FLAD1: variants seen among roughly 807,000 people sequenced by gnomAD.
The protein encoded by FLAD1 is bifunctional FAD diphosphatase/FAD synthase.
Under a neutral mutation model 55.0 loss-of-function variants are expected in FLAD1, and 35 were observed. The observed-to-expected ratio is 0.64, with a 90% CI of 0.49 to 0.84. The LOEUF is 0.84. Ranked by LOEUF, FLAD1 falls within the 40% of genes least tolerant of loss-of-function variation. FLAD1 has a pLI of 0.00. For missense variants in FLAD1, 665 were observed against 742.6 expected (o/e 0.90, Z 1.21); for synonymous variants, 267 against 303.0 (o/e 0.88, Z 1.23).
intron 5 of FLAD1, chr1:154,990,840 A>C (rs1319179820): frequency 4.6e-6 from 1 of 217,830 alleles, no homozygotes; most frequent in East Asian, 9.8e-5. Flanking sequence ...ATGACTAAAA[A>C]CCACTGAATT....
In FLAD1 at chr1:154,988,238, G is replaced by A. The variant is rs768977246; in HGVS notation, c.506G>A (p.Arg169His). 9.9e-6 allele frequency: 16 copies of A among 1,614,056 alleles called. No homozygotes were observed. The highest frequency in any genetic ancestry group is 4.5e-5 in the East Asian group (2 of 44,894). Residue 169 changes from arginine to histidine, a missense_variant, in exon 2 of 7, where the codon CGC becomes CAC. Transcript: ENST00000292180. ...IAAEVTSFSN[R>H]FTHVLTAGGI... Reference sequence around the variant, plus strand: ...GCTGAGGTCACTTCTTTCTCCAACCGCTTCACCCATGTCCTCACAGCAGGG... The same window carrying A: ...GCTGAGGTCACTTCTTTCTCCAACCACTTCACCCATGTCCTCACAGCAGGG...
chr1:154,991,477 C>T (rs1053292219), intron 5 of FLAD1, among the ~76,000 whole-genome samples: 3 of 151,490 alleles, frequency 2.0e-5, no homozygotes, highest in Admixed American at 1.3e-4. Context: ...ATCACTTGAA[C>T]CCAGGAGGCA....
rs1483758115 is a variant in FLAD1 at position 154,990,321 on chromosome 1, C to T, written c.1365-18C>T. On this transcript the variant is annotated intron_variant, in intron 4 of 6. Transcript: ENST00000292180. ...TGACAGAGCCCACGCCCGACCCCTA[C>T]TTCTGTTTCTTCCTAAGGTATAATC... 6.2e-7 allele frequency: 1 copy of T among 1,613,512 alleles called. No homozygotes were observed. Among genetic ancestry groups the T allele is most frequent in the South Asian group, 1.1e-5 (1 of 91,074 alleles).
intron 1 of FLAD1, among the ~76,000 whole-genome samples, chr1:154,986,890 A>G (rs1051131665): frequency 1.3e-5 from 2 of 151,052 alleles, no homozygotes; most frequent in African/African-American, 2.4e-5. Context: ...GAGCCACCAC[A>G]CCTGGTCGGC....
At position 154,983,844 on chromosome 1, in the gene FLAD1, T is replaced by C; in HGVS notation, c.150T>C (p.Val50=). The change falls in exon 1 of 7, where the codon GTT becomes GTC. Residue 50 remains valine (V), a synonymous_variant. Coordinates refer to ENST00000292180, the MANE Select transcript of FLAD1 (RefSeq NM_025207.5). ...LPHCLFWLLQ[V]PSTQDPLFPG... ...ATTGTCTTTTCTGGCTTCTCCAGGT[T>C]CCCTCGACCCAGGACCCCCTGTTCC... 1.2e-6 allele frequency: 2 copies of C among 1,614,138 alleles called. No individual in the cohort carries two copies. Among genetic ancestry groups the C allele is most frequent in the Non-Finnish European group, 1.7e-6 (2 of 1,180,026 alleles).
At chr1:154,992,576 C>G in intron 5 of FLAD1, 137 bp from the exon 6 acceptor site, 1 of 1,613,832 alleles carries the variant, frequency 6.2e-7, no homozygotes, top group Non-Finnish European at 8.5e-7. Context: ...GCAAGCTATA[C>G]CAGAGAATCA....
chr1:154,991,309 C>G (rs1372785599), intron 5 of FLAD1: 1 of 150,368 alleles, frequency 6.7e-6, no homozygotes, highest in South Asian at 2.1e-4. Context: ...AATCCCTGCA[C>G]TTTGGGAGGC....
Position 154,988,090 on chromosome 1 carries a change from C to T in FLAD1, c.373-15C>T. The T allele has an allele frequency of 1.2e-6, 2 of 1,614,176 alleles. No homozygotes were observed. Among genetic ancestry groups the T allele is most frequent in the Non-Finnish European group, 8.5e-7 (1 of 1,180,028 alleles). ...CTACAGTACTGATGGCCTCATCTTC[C>T]CCTTCAACCCCCAGGGACACACTCA... On this transcript the variant is annotated splice_polypyrimidine_tract_variant and intron_variant, in intron 1 of 6. Coordinates refer to ENST00000292180, the MANE Select transcript of FLAD1 (RefSeq NM_025207.5).
In FLAD1 at chr1:154,990,502, G is replaced by A. The variant is rs746974797; in HGVS notation, c.1528G>A (p.Ala510Thr). 20 of 1,607,710 alleles carry A rather than the reference G, an allele frequency of 1.2e-5. No homozygotes were observed. Among genetic ancestry groups the A allele is most frequent in the South Asian group, 1.0e-4 (9 of 90,440 alleles). ...CAGCCCCACTGACCCAGGCTGGCCC[G>A]CATTCATGCGCATCAACCCACTGCT... is the stretch of plus-strand genomic sequence containing the variant. ...PFSPTDPGWP[A>T]FMRINPLLDW... The change falls in exon 5 of 7, where the codon GCA (alanine) becomes ACA (threonine). Residue 510 changes from alanine to threonine, a missense_variant. Transcript: ENST00000292180.
At chr1:154,988,917 C>G (rs1558075566) in intron 2 of FLAD1, 68 bp downstream of exon 2, 1 of 1,598,474 alleles carries the variant, frequency 6.3e-7, no homozygotes, top group East Asian at 2.3e-5. Flanking sequence ...CTCAGTAATG[C>G]AGGGGCTGTT....
intron 1 of FLAD1, 115 bp from the exon 2 acceptor site, chr1:154,987,990 T>C (rs776464003): frequency 1.5e-5 from 23 of 1,577,034 alleles, no homozygotes; most frequent in Non-Finnish European, 1.7e-5. Flanking sequence ...CAGCCTGAGG[T>C]GGTGTCCTTC....
At chr1:154,986,025 G>GTGTA (rs1308701068) in intron 1 of FLAD1, among the ~76,000 whole-genome samples, 2 of 147,380 alleles carry the variant, frequency 1.4e-5, no homozygotes, top group Non-Finnish European at 3.0e-5. Flanking sequence ...CCGGCTGTGT[G>GTGTA]TGTGTGTGTG....
intron 5 of FLAD1, among the ~76,000 whole-genome samples, chr1:154,992,124 C>T (rs1200452801): frequency 2.6e-5 from 3 of 114,256 alleles, no homozygotes; most frequent in Admixed American, 1.1e-4. Flanking sequence ...GCCTGGGTGA[C>T]AGAGCAAGAC....
In FLAD1 at chr1:154,988,213, G is replaced by A. The variant is rs368257835; in HGVS notation, c.481G>A (p.Ala161Thr). Residue 161 changes from alanine to threonine, a missense_variant, in exon 2 of 7, where the codon GCT becomes ACT. Physicochemically the swap from Ala to Thr is moderately conservative, Grantham distance 58. Transcript: ENST00000292180. Reference protein sequence around the residue: ...VVPDEVATIAAEVTSFSNRFT... With the variant: ...VVPDEVATIATEVTSFSNRFT... ...ACCTGATGAGGTAGCCACCATTGCA[G>A]CTGAGGTCACTTCTTTCTCCAACCG... 5.0e-6 allele frequency: 8 copies of A among 1,614,104 alleles called. No homozygotes were observed. Among genetic ancestry groups the A allele is most frequent in the African/African-American group, 1.3e-5 (1 of 74,932 alleles).
In FLAD1 at chr1:154,987,973, C is replaced by A. The variant is rs192454315; in HGVS notation, c.373-132C>A. ...TCCCACTCTTGTGTCCAGTCCAGGC[C>A]CCTCAGCAGCCTGAGGTGGTGTCCT... is the stretch of plus-strand genomic sequence containing the variant. On this transcript the variant is annotated intron_variant, in intron 1 of 6. Coordinates refer to ENST00000292180, the MANE Select transcript of FLAD1 (RefSeq NM_025207.5). The A allele has an allele frequency of 2.3e-5, 36 of 1,558,710 alleles. No homozygotes were observed. The South Asian group carries it at 4.3e-4, about 19-fold the overall frequency.
chr1:154,989,561 GTCT>G lies in FLAD1; in HGVS notation c.1124_1126del (p.Ser375del), dbSNP rs1657772731. 4 of 1,570,390 alleles carry G rather than the reference GTCT, an allele frequency of 2.5e-6. No homozygotes were observed. Among genetic ancestry groups the G allele is most frequent in the African/African-American group, 1.4e-5 (1 of 73,242 alleles). On this transcript the variant is annotated inframe_deletion and splice_region_variant, in exon 3 of 7. Transcript: ENST00000292180. ...CCCTCTTCCCTGCCTGCTTGGCAGG[GTCT>G]TCTTTGGGGAAAAAGGTGGCAGGTG...
chr1:154,993,020 C>A lies in FLAD1; in HGVS notation c.1747C>A (p.Arg583=). The change falls in exon 7 of 7, where the codon CGG becomes AGG. Residue 583 remains arginine (R), a synonymous_variant. Transcript: ENST00000292180. ...TCTACTGGAGAACGAAGAAGAGGAGCGGAACTCCCGCACATGACCTCCCAC... is the reference window on the plus strand; with the variant it reads ...TCTACTGGAGAACGAAGAAGAGGAGAGGAACTCCCGCACATGACCTCCCAC... ...AYLLENEEEE[R]NSRT The A allele has an allele frequency of 6.2e-7, 1 of 1,614,014 alleles. No homozygotes were observed.
chr1:154,987,800 TG>T, intron 1 of FLAD1: 1 of 583,298 alleles, frequency 1.7e-6, no homozygotes, highest in Non-Finnish European at 2.9e-6. Context: ...GAGCTGAATG[TG>T]GTGGCACGCG....
chr1:154,992,528 G>C (rs1366704961), intron 5 of FLAD1, 185 bp from the exon 6 acceptor site: 1 of 1,572,514 alleles, frequency 6.4e-7, no homozygotes, highest in Admixed American at 1.7e-5. Context: ...AGAGAGTGGA[G>C]AAGATGAAGT....
Sources: allele counts gnomAD v4.1 joint callset (sites outside exome capture counted in the v4.1 genomes callset), GRCh38; gene constraint gnomAD v4.1.1; transcripts MANE v1.5; gene names NCBI Gene and HGNC (gene_info 2026-07-23, HGNC 2026-07-21).